LAMA2: variants seen among roughly 807,000 people sequenced by gnomAD.
LAMA2 encodes laminin subunit alpha-2.
Under a neutral mutation model 364.8 loss-of-function variants are expected in LAMA2, and 269 were observed. The observed-to-expected ratio is 0.74, with a 90% CI of 0.67 to 0.82. The LOEUF is 0.82. LAMA2 is among the 40% of genes least tolerant of loss of function. The probability of loss-of-function intolerance (pLI) is 0.00; values close to 1 mark genes in which losing one functional copy is unlikely to be tolerated. For synonymous variants in LAMA2, 1,379 were observed against 1,370.6 expected (o/e 1.01, Z -0.14); for missense variants, 3,807 against 3,873.2 (o/e 0.98, Z 0.45).
chr6:129,494,796 C>G (rs1158111831), intron 58 of LAMA2, among the ~76,000 whole-genome samples: 1 of 152,122 alleles, frequency 6.6e-6, no homozygotes, highest in African/African-American at 2.4e-5. Context: ...TAGATCTTTG[C>G]TTAGCAAAGG....
intron 28 of LAMA2, among the ~76,000 whole-genome samples, chr6:129,326,755 TTATATATATAATA>T (rs1011923861): frequency 1.9e-4 from 27 of 144,832 alleles, no homozygotes; most frequent in African/African-American, 6.5e-4. Context: ...TATATATAAT[TTATATATATAATA>T]TATAATTTAT....
intron 22 of LAMA2, among the ~76,000 whole-genome samples, chr6:129,312,481 C>A (rs76776535): frequency 0.023 from 3,481 of 152,136 alleles, 66 homozygotes; most frequent in South Asian, 0.036. Context: ...GGTATGTCTC[C>A]AAATAAATGT....
chr6:129,511,501 G>A (rs1269471502), intron 62 of LAMA2, among the ~76,000 whole-genome samples: 2 of 152,018 alleles, frequency 1.3e-5, no homozygotes, highest in African/African-American at 2.4e-5. Flanking sequence ...ACCCATCAAG[G>A]TTCTCAGTAG....
intron 34 of LAMA2, among the ~76,000 whole-genome samples, chr6:129,375,362 T>C (rs1420000381): frequency 6.6e-6 from 1 of 152,074 alleles, no homozygotes; most frequent in Non-Finnish European, 1.5e-5. Flanking sequence ...TGTCCTTAGC[T>C]CCTTTCTTTT....
chr6:129,314,946 G>A (rs990721192), intron 24 of LAMA2, 148 bp downstream of exon 24: 8 of 782,048 alleles, frequency 1.0e-5, no homozygotes, highest in Admixed American at 3.9e-5. Flanking sequence ...AAGGGGTCAC[G>A]TGCCATTAGA....
intron 12 of LAMA2, among the ~76,000 whole-genome samples, chr6:129,210,448 A>G (rs971521741): frequency 1.5e-4 from 23 of 152,250 alleles, no homozygotes; most frequent in African/African-American, 5.3e-4. Flanking sequence ...TTACATTGGA[A>G]TAAAATGAAT....
At chr6:128,919,410 A>G (rs1182672125) in intron 1 of LAMA2, among the ~76,000 whole-genome samples, 1 of 152,214 alleles carries the variant, frequency 6.6e-6, no homozygotes, top group African/African-American at 2.4e-5. Context: ...ATCATGTAAC[A>G]ATTATATAAT....
intron 3 of LAMA2, among the ~76,000 whole-genome samples, chr6:129,095,572 A>G (rs1415064259): frequency 6.6e-6 from 1 of 152,046 alleles, no homozygotes; most frequent in Non-Finnish European, 1.5e-5. Context: ...GCTGGCAGTG[A>G]GCTGTACATT....
rs116719092 is a variant in LAMA2, at chr6:129,504,161, G to A, written c.8547+881G>A. On this transcript the variant is annotated intron_variant, in intron 60 of 64. Transcript: ENST00000421865. ...AGAAAGCCAAAGAACCTTAAAAAACGCGAAGCCAACCAATTTGTTATCATG... is the reference window on the plus strand; with the variant it reads ...AGAAAGCCAAAGAACCTTAAAAAACACGAAGCCAACCAATTTGTTATCATG... 9.2e-3 allele frequency among the ~76,000 whole-genome samples: 1,401 copies of A among 152,150 alleles called. 20 individuals are homozygous for A. Among genetic ancestry groups the A allele is most frequent in the African/African-American group, 0.031 (1,307 of 41,502 alleles).
intron 1 of LAMA2, chr6:128,929,980 T>C (rs75926227): frequency 0.021 from 12,916 of 609,982 alleles, 180 homozygotes; most frequent in Middle Eastern, 0.031. Flanking sequence ...GGAGGCGATC[T>C]TTGCGCACGG....
intron 45 of LAMA2, among the ~76,000 whole-genome samples, chr6:129,446,330 T>G (rs1333516090): frequency 6.6e-6 from 1 of 151,530 alleles, no homozygotes; most frequent in Non-Finnish European, 1.5e-5. Flanking sequence ...CATTTATTTT[T>G]TGTTTTGGAG....
chr6:129,486,505 G>C lies in LAMA2; in HGVS notation c.7781G>C (p.Arg2594Pro). Residue 2594 changes from arginine to proline, a missense_variant, in exon 56 of 65, where the codon CGT becomes CCT. Physicochemically the swap from Arg to Pro is moderately radical, Grantham distance 103. This residue lies in a region of LAMA2 where 3,333 missense variants were observed against 3,345.7 expected (regional missense o/e 1.00). Transcript: ENST00000421865. ...TATGCAATACTCCTCAACAGGGGCC[G>C]TCTGGAAGTGCATCTCTCCACAGGG... ...AYYAILLNRG[R>P]LEVHLSTGAR... The C allele has an allele frequency of 6.2e-7, 1 of 1,613,808 alleles. No individual in the cohort carries two copies. The highest frequency in any genetic ancestry group is 8.5e-7 in the Non-Finnish European group (1 of 1,179,788).
chr6:128,998,037 G>C (rs548178747), intron 1 of LAMA2, among the ~76,000 whole-genome samples: 1 of 152,088 alleles, frequency 6.6e-6, no homozygotes, highest in African/African-American at 2.4e-5. Context: ...AAGAGTCAGA[G>C]AGCTGCACAG....
At chr6:129,200,186 G>GTA (rs1323656929) in intron 12 of LAMA2, among the ~76,000 whole-genome samples, 11 of 129,304 alleles carry the variant, frequency 8.5e-5, no homozygotes, top group African/African-American at 2.2e-4. Context: ...ATATACATGT[G>GTA]TATATATACA....
intron 1 of LAMA2, among the ~76,000 whole-genome samples, chr6:128,921,697 G>GTTT (rs547882651): frequency 4.2e-5 from 5 of 118,060 alleles, no homozygotes; most frequent in South Asian, 2.7e-4. Flanking sequence ...ATGAATGTCT[G>GTTT]TTTTTTTTTT....
intron 3 of LAMA2, among the ~76,000 whole-genome samples, chr6:129,081,187 G>A (rs1051600501): frequency 3.4e-5 from 5 of 149,120 alleles, no homozygotes; most frequent in Non-Finnish European, 4.4e-5. Context: ...GGTGGGAAAC[G>A]AACAATGAGA....
At chr6:129,266,001 A>G (rs1295047587) in intron 15 of LAMA2, among the ~76,000 whole-genome samples, 4 of 152,224 alleles carry the variant, frequency 2.6e-5, no homozygotes, top group African/African-American at 9.6e-5. Flanking sequence ...TTCAAATTTG[A>G]GAGTCCTCAT....
intron 29 of LAMA2, among the ~76,000 whole-genome samples, chr6:129,340,040 C>T (rs941469261): frequency 1.3e-5 from 2 of 151,126 alleles, no homozygotes; most frequent in African/African-American, 4.9e-5. Flanking sequence ...AAGAAAGAAA[C>T]CATGGGAAGA....
At position 129,385,303 on chromosome 6, in the gene LAMA2, A is replaced by T. The variant is rs73591268; in HGVS notation, c.5071+2070A>T. Reference sequence around the variant, plus strand: ...GAAAGGAGGGAGGGAGGAAGAAAAGAAGAAAAGGGAAGGAAGGAAGGAAGG... The same window carrying T: ...GAAAGGAGGGAGGGAGGAAGAAAAGTAGAAAAGGGAAGGAAGGAAGGAAGG... On this transcript the variant is annotated intron_variant, in intron 35 of 64. Transcript: ENST00000421865. 5.2e-3 allele frequency among the ~76,000 whole-genome samples: 673 copies of T among 128,294 alleles called. 7 individuals carry two copies. Among genetic ancestry groups the T allele is most frequent in the African/African-American group, 0.022 (628 of 29,062 alleles). The allele number at this position is 128,294 out of a possible 152,430, so 84.2% of individuals were successfully genotyped here. A position where few individuals can be genotyped will look rare whatever the true frequency, so the allele number is the denominator to read the frequency against.
Sources: allele counts gnomAD v4.1 joint callset (sites outside exome capture counted in the v4.1 genomes callset), GRCh38; gene constraint gnomAD v4.1.1; regional missense constraint gnomAD v4.1.1; transcripts MANE v1.5; gene names NCBI Gene and HGNC (gene_info 2026-07-23, HGNC 2026-07-21).